Variants in DPP10 observed in about 807,000 individuals in gnomAD.
DPP10 encodes dipeptidyl peptidase like 10.
Under a neutral mutation model 120.9 loss-of-function variants are expected in DPP10, and 33 were observed. The ratio of observed to expected loss-of-function variants is 0.27; its 90% CI spans 0.21 to 0.37. The LOEUF is 0.37. Ranked by LOEUF, DPP10 falls within the 10% of genes least tolerant of loss-of-function variation. DPP10 has a pLI of 1.00. For missense variants in DPP10, 816 were observed against 942.8 expected (o/e 0.87, Z 1.76); for synonymous variants, 337 against 326.1 (o/e 1.03, Z -0.36).
chr2:114,917,552 A>G (rs1396945438), intron 1 of DPP10, among the ~76,000 whole-genome samples: 1 of 152,212 alleles, frequency 6.6e-6, no homozygotes. Flanking sequence ...ACCTGACTTC[A>G]AACTATACTA....
intron 1 of DPP10, among the ~76,000 whole-genome samples, chr2:114,975,851 A>G (rs967813534): frequency 3.3e-5 from 5 of 152,096 alleles, no homozygotes; most frequent in Non-Finnish European, 7.4e-5. Context: ...GGGTTTCACC[A>G]TGTTGGCCAG....
At chr2:115,057,311 TTTC>T (rs1344663521) in intron 1 of DPP10, among the ~76,000 whole-genome samples, 5 of 152,206 alleles carry the variant, frequency 3.3e-5, no homozygotes, top group African/African-American at 1.2e-4. Flanking sequence ...TGCAAAATGC[TTTC>T]TTCTTGCATT....
chr2:115,141,693 T>C (rs972801201), intron 1 of DPP10, among the ~76,000 whole-genome samples: 2 of 152,232 alleles, frequency 1.3e-5, no homozygotes, highest in Non-Finnish European at 1.5e-5. Flanking sequence ...GTCCATGCTG[T>C]CTTATATACA....
chr2:114,510,059 G>A (rs1684002878), intron 1 of DPP10, among the ~76,000 whole-genome samples: 1 of 152,178 alleles, frequency 6.6e-6, no homozygotes, highest in Non-Finnish European at 1.5e-5. Flanking sequence ...GAGAAAGCTG[G>A]CTAGGAGGTG....
intron 5 of DPP10, among the ~76,000 whole-genome samples, chr2:115,640,490 A>G (rs1481205599): frequency 1.3e-5 from 2 of 151,900 alleles, no homozygotes; most frequent in Non-Finnish European, 2.9e-5. Context: ...CGACATCTTG[A>G]TCTCGTTTAT....
intron 1 of DPP10, among the ~76,000 whole-genome samples, chr2:115,296,961 A>G (rs2060913469): frequency 1.3e-5 from 2 of 152,086 alleles, no homozygotes; most frequent in South Asian, 4.1e-4. Context: ...CCTTGACTCA[A>G]TAATAGTTAA....
At chr2:115,244,256 A>AT (rs2058430049) in intron 1 of DPP10, among the ~76,000 whole-genome samples, 1 of 138,516 alleles carries the variant, frequency 7.2e-6, no homozygotes, top group Non-Finnish European at 1.5e-5. Flanking sequence ...AGAGAGAGAG[A>AT]GAGAGAGAGA....
At chr2:115,748,179 A>G (rs1422589523) in intron 10 of DPP10, among the ~76,000 whole-genome samples, 1 of 151,456 alleles carries the variant, frequency 6.6e-6, no homozygotes, top group Non-Finnish European at 1.5e-5. Flanking sequence ...TAAACTCTCA[A>G]TAGCAGAATA....
At chr2:114,518,997 C>T (rs1410194016) in intron 1 of DPP10, among the ~76,000 whole-genome samples, 1 of 152,208 alleles carries the variant, frequency 6.6e-6, no homozygotes, top group Non-Finnish European at 1.5e-5. Flanking sequence ...TAACTTAAGA[C>T]ACTGTTTGAA....
At chr2:115,754,392 G>T (rs1575685129) in intron 11 of DPP10, among the ~76,000 whole-genome samples, 1 of 152,104 alleles carries the variant, frequency 6.6e-6, no homozygotes, top group East Asian at 1.9e-4. Context: ...AAAAATTTTT[G>T]AAGCAAATGA....
At chr2:115,138,784 T>C (rs2050774952) in intron 1 of DPP10, among the ~76,000 whole-genome samples, 1 of 152,216 alleles carries the variant, frequency 6.6e-6, no homozygotes, top group Admixed American at 6.5e-5. Flanking sequence ...TCTAGAATTG[T>C]ACTTGTAGAT....
chr2:115,383,071 A>G (rs1366884500), intron 3 of DPP10, among the ~76,000 whole-genome samples: 1 of 152,230 alleles, frequency 6.6e-6, no homozygotes, highest in Non-Finnish European at 1.5e-5. Context: ...GAACACTATC[A>G]AAGATAATGG....
chr2:115,543,761 G>A (rs2079322672), intron 5 of DPP10, among the ~76,000 whole-genome samples: 1 of 151,946 alleles, frequency 6.6e-6, no homozygotes, highest in Non-Finnish European at 1.5e-5. Context: ...ATGTGTGAAT[G>A]TCGCTGTTGC....
intron 1 of DPP10, among the ~76,000 whole-genome samples, chr2:115,097,479 A>T (rs894148018): frequency 6.6e-6 from 1 of 152,196 alleles, no homozygotes; most frequent in Non-Finnish European, 1.5e-5. Flanking sequence ...TTGGCTAGTT[A>T]ACAAACTATA....
chr2:115,708,211 A>G (rs1197583048), intron 7 of DPP10, among the ~76,000 whole-genome samples: 1 of 152,020 alleles, frequency 6.6e-6, no homozygotes, highest in East Asian at 1.9e-4. Flanking sequence ...TTATTATGTT[A>G]CATATTGTTT....
chr2:115,470,202 C>G (rs1185961146), intron 3 of DPP10, among the ~76,000 whole-genome samples: 2 of 152,032 alleles, frequency 1.3e-5, no homozygotes, highest in East Asian at 3.9e-4. Context: ...AAGAGATTTC[C>G]CTGTTAGTCC....
chr2:114,890,100 C>T (rs941690865), intron 1 of DPP10, among the ~76,000 whole-genome samples: 1 of 152,154 alleles, frequency 6.6e-6, no homozygotes, highest in Non-Finnish European at 1.5e-5. Context: ...GAGAGACAAA[C>T]ATGTTTAATG....
intron 1 of DPP10, among the ~76,000 whole-genome samples, chr2:115,251,852 A>G (rs961884557): frequency 6.6e-6 from 1 of 152,206 alleles, no homozygotes; most frequent in Admixed American, 6.5e-5. Flanking sequence ...AGTTATTTCA[A>G]AATAGAATTG....
intron 3 of DPP10, among the ~76,000 whole-genome samples, chr2:115,493,615 C>G (rs1037660323): frequency 6.6e-6 from 1 of 151,642 alleles, no homozygotes; most frequent in African/African-American, 2.4e-5. Context: ...GAACAAATAC[C>G]AGGGCAAGAT....
Sources: gnomAD v4.1 joint callset for allele counts (sites outside exome capture counted in the v4.1 genomes callset) on GRCh38, gnomAD v4.1.1 for gene constraint, MANE v1.5 for transcripts, NCBI Gene and HGNC (gene_info 2026-07-23, HGNC 2026-07-21) for gene names.